EYS: variants seen among roughly 807,000 people sequenced by gnomAD.
EYS encodes EGF-like photoreceptor maintenance factor.
In EYS, 250 loss-of-function variants were observed where a neutral mutation model predicts 282.1. The observed-to-expected ratio is 0.89, with a 90% CI of 0.80 to 0.98. EYS has a LOEUF of 0.98. Among genes scored for constraint, EYS ranks in the 50% least tolerant of loss-of-function variants. The pLI, the probability that EYS is intolerant of heterozygous loss-of-function variation, is 0.00. For missense variants in EYS, 4,016 were observed against 3,709.0 expected (o/e 1.08, Z -2.15); for synonymous variants, 1,355 against 1,282.9 (o/e 1.06, Z -1.20).
chr6:65,262,126 C>CT (rs918318263), intron 12 of EYS, among the ~76,000 whole-genome samples: 21 of 152,152 alleles, frequency 1.4e-4, no homozygotes, highest in Admixed American at 1.2e-3. Flanking sequence ...CTCCCAGGTG[C>CT]TTTTTCCTAG....
chr6:65,291,987 C>T (rs1768539553), intron 12 of EYS, among the ~76,000 whole-genome samples: 1 of 151,550 alleles, frequency 6.6e-6, no homozygotes, highest in Non-Finnish European at 1.5e-5. Flanking sequence ...GAGGGATGTA[C>T]ATGCAGCTCC....
chr6:64,612,134 A>G (rs1439752346), intron 24 of EYS, among the ~76,000 whole-genome samples: 1 of 152,240 alleles, frequency 6.6e-6, no homozygotes, highest in East Asian at 1.9e-4. Context: ...AAAACTGAAC[A>G]CCACAAATAG....
chr6:64,908,901 G>T (rs769121539), intron 16 of EYS, among the ~76,000 whole-genome samples: 2 of 152,064 alleles, frequency 1.3e-5, no homozygotes, highest in African/African-American at 4.8e-5. Flanking sequence ...AGAGGAAAGC[G>T]CACCAAACAG....
chr6:63,758,642 G>A (rs1322113998), intron 41 of EYS, among the ~76,000 whole-genome samples: 1 of 152,042 alleles, frequency 6.6e-6, no homozygotes, highest in Non-Finnish European at 1.5e-5. Context: ...TTCCTTGGCT[G>A]CTATAAGAAC....
intron 26 of EYS, among the ~76,000 whole-genome samples, chr6:64,455,288 G>A (rs913998798): frequency 2.6e-5 from 4 of 151,986 alleles, no homozygotes; most frequent in Non-Finnish European, 5.9e-5. Flanking sequence ...TCTTAAAATA[G>A]TTTACTAGTT....
intron 13 of EYS, among the ~76,000 whole-genome samples, chr6:65,020,781 T>C (rs1337212440): frequency 6.6e-6 from 1 of 152,152 alleles, no homozygotes; most frequent in Admixed American, 6.5e-5. Context: ...ATCCAGATGT[T>C]TCCATACATC....
At chr6:64,412,882 A>G (rs533228015) in intron 28 of EYS, 1 of 152,174 alleles carries the variant, frequency 6.6e-6, no homozygotes. Context: ...GCACGTGTAT[A>G]TAAGTGGATG....
intron 33 of EYS, among the ~76,000 whole-genome samples, chr6:64,046,501 A>T (rs1770630659): frequency 1.3e-5 from 2 of 151,562 alleles, no homozygotes; most frequent in Admixed American, 1.3e-4. Context: ...TCTTAACTTA[A>T]TTCTGAAGCA....
At chr6:63,767,667 C>T (rs1769829039) in intron 40 of EYS, among the ~76,000 whole-genome samples, 1 of 152,018 alleles carries the variant, frequency 6.6e-6, no homozygotes, top group African/African-American at 2.4e-5. Flanking sequence ...AAACAATTTA[C>T]AGATTCAATG....
At chr6:63,803,360 T>C (rs1770825150) in intron 37 of EYS, among the ~76,000 whole-genome samples, 1 of 152,040 alleles carries the variant, frequency 6.6e-6, no homozygotes, top group Non-Finnish European at 1.5e-5. Context: ...TGCGCTATAG[T>C]GGGCACATTC....
rs1774853606 is a variant in EYS at position 64,439,211 on chromosome 6, A to G, written c.5786T>C (p.Leu1929Ser). 1.4e-6 allele frequency: 2 copies of G among 1,480,036 alleles called. No individual in the cohort carries two copies. The highest frequency in any genetic ancestry group is 1.4e-5 in the African/African-American group (1 of 69,272). 91.7% of individuals were successfully genotyped at this position (1,480,036 alleles called of 1,614,324 possible). Reference sequence around the variant, plus strand: ...CAATTGAATAAAAAATCCATCTACTAAATTTGAGTCTTGCTTGACATACAG... The same window carrying G: ...CAATTGAATAAAAAATCCATCTACTGAATTTGAGTCTTGCTTGACATACAG... ...LLLYVKQDSN[L>S]VDGFFIQLFI... The change falls in exon 27 of 43, where the codon TTA becomes TCA. Residue 1929 changes from leucine to serine, a missense_variant. Transcript: ENST00000503581.
chr6:64,158,533 T>C (rs1484073069), intron 31 of EYS, among the ~76,000 whole-genome samples: 1 of 152,186 alleles, frequency 6.6e-6, no homozygotes, highest in Non-Finnish European at 1.5e-5. Context: ...GTCTCTCTTT[T>C]CCCTTCTCAC....
At chr6:65,076,733 C>T (rs1276272541) in intron 12 of EYS, among the ~76,000 whole-genome samples, 1 of 151,730 alleles carries the variant, frequency 6.6e-6, no homozygotes, top group Non-Finnish European at 1.5e-5. Flanking sequence ...CTCTCTCCTC[C>T]TCTCATGGTA....
intron 35 of EYS, among the ~76,000 whole-genome samples, chr6:63,887,327 T>TTC (rs1255364791): frequency 2.0e-5 from 3 of 150,836 alleles, no homozygotes; most frequent in Non-Finnish European, 4.4e-5. Flanking sequence ...TTTTTTTTTT[T>TTC]TTTTTGTCTT....
intron 12 of EYS, among the ~76,000 whole-genome samples, chr6:65,137,476 T>G (rs1157274188): frequency 2.6e-5 from 4 of 152,050 alleles, no homozygotes; most frequent in African/African-American, 7.2e-5. Flanking sequence ...AGAAAAGCAC[T>G]GGAGACTTTT....
At chr6:64,729,867 C>G (rs1771894898) in intron 22 of EYS, among the ~76,000 whole-genome samples, 1 of 151,998 alleles carries the variant, frequency 6.6e-6, no homozygotes, top group Admixed American at 6.6e-5. Flanking sequence ...AATTGTGAAA[C>G]TATTGGTTTA....
At chr6:65,371,925 G>T (rs1765168747) in intron 8 of EYS, among the ~76,000 whole-genome samples, 2 of 151,184 alleles carry the variant, frequency 1.3e-5, no homozygotes, top group South Asian at 4.2e-4. Context: ...TACTCATATG[G>T]AATTCTAATT....
At chr6:64,304,401 G>T (rs1345064417) in intron 30 of EYS, among the ~76,000 whole-genome samples, 1 of 152,144 alleles carries the variant, frequency 6.6e-6, no homozygotes, top group Non-Finnish European at 1.5e-5. Context: ...AGATAAGTAA[G>T]GAAATAGAGG....
At chr6:64,912,779 C>T in intron 15 of EYS, 36 bp from the exon 16 acceptor site, 1 of 1,290,516 alleles carries the variant, frequency 7.7e-7, no homozygotes, top group Non-Finnish European at 1.0e-6. Flanking sequence ...GAAGTGTGAA[C>T]TCTTTTTCAA....
Sources: gnomAD v4.1 joint callset for allele counts (sites outside exome capture counted in the v4.1 genomes callset) on GRCh38, gnomAD v4.1.1 for gene constraint, MANE v1.5 for transcripts, NCBI Gene and HGNC (gene_info 2026-07-23, HGNC 2026-07-21) for gene names.